COPS3: variants seen among roughly 807,000 people sequenced by gnomAD.
The protein encoded by COPS3 is COP9 signalosome subunit 3, also known as COP9 signalosome complex subunit 3.
Under a neutral mutation model 58.2 loss-of-function variants are expected in COPS3, and 10 were observed. The ratio of observed to expected loss-of-function variants is 0.17; its 90% CI spans 0.11 to 0.29. The LOEUF is 0.29. Ranked by LOEUF, COPS3 falls within the 10% of genes least tolerant of loss-of-function variation. The pLI, the probability that COPS3 is intolerant of heterozygous loss-of-function variation, is 1.00. For synonymous variants in COPS3, 187 were observed against 181.7 expected (o/e 1.03, Z -0.24); for missense variants, 333 against 510.1 (o/e 0.65, Z 3.34).
At chr17:17,262,521 G>A (rs1306427004) in intron 6 of COPS3, among the ~76,000 whole-genome samples, 10 of 151,630 alleles carry the variant, frequency 6.6e-5, no homozygotes. Context: ...CGAGGTCAGG[G>A]GATCGAGACC....
chr17:17,280,612 G>A (rs1208410817), intron 1 of COPS3: 4 of 1,302,756 alleles, frequency 3.1e-6, no homozygotes, highest in Non-Finnish European at 4.0e-6. Context: ...GACCAAAATA[G>A]GCGCACAGGT....
chr17:17,267,708 T>C (rs2048258670), intron 5 of COPS3, among the ~76,000 whole-genome samples, 177 bp downstream of exon 5: 1 of 150,906 alleles, frequency 6.6e-6, no homozygotes, highest in African/African-American at 2.4e-5. Flanking sequence ...TTGAGCCCCA[T>C]CCTACAGTTT....
At chr17:17,253,615 A>T (rs2047898025) in intron 9 of COPS3, among the ~76,000 whole-genome samples, 1 of 152,134 alleles carries the variant, frequency 6.6e-6, no homozygotes, top group Non-Finnish European at 1.5e-5. Flanking sequence ...ACCCTCAGTG[A>T]CGGAAGAGGC....
intron 1 of COPS3, 54 bp downstream of exon 1, chr17:17,281,078 C>T: frequency 6.4e-7 from 1 of 1,572,860 alleles, no homozygotes; most frequent in Non-Finnish European, 8.7e-7. Flanking sequence ...GCCTGGGGAT[C>T]CAGGCCAGTT....
At chr17:17,270,346 G>A (rs1423316881) in intron 4 of COPS3, among the ~76,000 whole-genome samples, 5 of 151,894 alleles carry the variant, frequency 3.3e-5, no homozygotes, top group African/African-American at 7.3e-5. Flanking sequence ...GAATAAGTGC[G>A]GTAAAATGTT....
At chr17:17,256,715 A>G (rs1343882685) in intron 8 of COPS3, among the ~76,000 whole-genome samples, 3 of 152,104 alleles carry the variant, frequency 2.0e-5, no homozygotes, top group Admixed American at 2.0e-4. Flanking sequence ...CCTCCTGAGT[A>G]GCTGAGACTA....
At chr17:17,279,514 T>C (rs1317368905) in intron 1 of COPS3, among the ~76,000 whole-genome samples, 2 of 152,144 alleles carry the variant, frequency 1.3e-5, no homozygotes, top group Admixed American at 1.3e-4. Context: ...CTCATTTCTA[T>C]TAATAAAAAG....
chr17:17,273,441 C>T (rs2048393240), intron 2 of COPS3, among the ~76,000 whole-genome samples: 1 of 152,082 alleles, frequency 6.6e-6, no homozygotes, highest in African/African-American at 2.4e-5. Context: ...TCTGTATTTT[C>T]TTATTTATAT....
chr17:17,270,658 T>C (rs935818917), intron 4 of COPS3, 100 bp downstream of exon 4: 18 of 1,042,406 alleles, frequency 1.7e-5, no homozygotes, highest in Non-Finnish European at 2.4e-5. Context: ...ATCTAGGTGG[T>C]GGATGCTCAG....
intron 2 of COPS3, among the ~76,000 whole-genome samples, chr17:17,271,818 C>G (rs2048350246): frequency 8.1e-6 from 1 of 123,842 alleles, no homozygotes; most frequent in African/African-American, 3.0e-5. Flanking sequence ...GAGACTGTCT[C>G]AAAAAAAAAA....
At chr17:17,272,893 C>T (rs534021408) in intron 2 of COPS3, among the ~76,000 whole-genome samples, 28 of 152,222 alleles carry the variant, frequency 1.8e-4, no homozygotes, top group Admixed American at 5.2e-4. Context: ...CAAAGTGAGA[C>T]CTTTTCTCAA....
At chr17:17,272,378 G>A (rs531359588) in intron 2 of COPS3, among the ~76,000 whole-genome samples, 6 of 152,058 alleles carry the variant, frequency 3.9e-5, no homozygotes, top group East Asian at 1.9e-4. Context: ...AGCTGAGATC[G>A]TGCCACTGCA....
At chr17:17,249,905 G>A (rs1208238625) in intron 9 of COPS3, among the ~76,000 whole-genome samples, 3 of 152,178 alleles carry the variant, frequency 2.0e-5, no homozygotes, top group Non-Finnish European at 4.4e-5. Flanking sequence ...TGGGATTACA[G>A]GCATGGGCCA....
At chr17:17,272,120 T>C (rs1233067172) in intron 2 of COPS3, among the ~76,000 whole-genome samples, 3 of 151,744 alleles carry the variant, frequency 2.0e-5, no homozygotes, top group Non-Finnish European at 2.9e-5. Context: ...AAAACCCATG[T>C]CTGCTAAAAA....
At chr17:17,262,511 C>T (rs1023324195) in intron 6 of COPS3, among the ~76,000 whole-genome samples, 6 of 152,036 alleles carry the variant, frequency 3.9e-5, no homozygotes, top group African/African-American at 1.2e-4. Context: ...GGGTGGATCA[C>T]GAGGTCAGGG....
At chr17:17,269,927 C>G (rs1455486180) in intron 4 of COPS3, among the ~76,000 whole-genome samples, 1 of 152,068 alleles carries the variant, frequency 6.6e-6, no homozygotes, top group Admixed American at 6.6e-5. Flanking sequence ...GAGGCCAAGG[C>G]GGGAGGATTG....
chr17:17,262,869 T>TAC (rs1337396059), intron 6 of COPS3, among the ~76,000 whole-genome samples: 1 of 152,054 alleles, frequency 6.6e-6, no homozygotes, highest in Non-Finnish European at 1.5e-5. Flanking sequence ...GTGCTAGGAT[T>TAC]ACTGGCATGA....
chr17:17,278,040 G>C (rs1358366616), intron 1 of COPS3, among the ~76,000 whole-genome samples: 1 of 152,142 alleles, frequency 6.6e-6, no homozygotes, highest in Admixed American at 6.5e-5. Flanking sequence ...AGGCTGAGGT[G>C]GGAGAATCCT....
intron 1 of COPS3, among the ~76,000 whole-genome samples, chr17:17,279,775 G>A (rs111360506): frequency 2.9e-4 from 44 of 152,276 alleles, no homozygotes; most frequent in African/African-American, 1.0e-3. Flanking sequence ...TTCTCTCATT[G>A]AATCTTCACA....
Sources: allele counts gnomAD v4.1 joint callset (sites outside exome capture counted in the v4.1 genomes callset), GRCh38; gene constraint gnomAD v4.1.1; transcripts MANE v1.5; gene names NCBI Gene and HGNC (gene_info 2026-07-23, HGNC 2026-07-21).